Variants in OSBPL10 observed in about 807,000 individuals in gnomAD.
OSBPL10 encodes the protein oxysterol-binding protein-related protein 10.
In OSBPL10, 49 loss-of-function variants were observed where a neutral mutation model predicts 81.7. That is an observed-to-expected ratio of 0.60 (90% confidence interval 0.48 to 0.76). OSBPL10 has a LOEUF of 0.76. Ranked by LOEUF, OSBPL10 falls within the 30% of genes least tolerant of loss-of-function variation. OSBPL10 has a pLI of 0.00. For synonymous variants in OSBPL10, 419 were observed against 383.6 expected, an observed-to-expected ratio of 1.09 and a Z score of -1.08; for missense variants, 923 against 987.8, an observed-to-expected ratio of 0.93 and a Z score of 0.88.
intron 1 of OSBPL10, among the ~76,000 whole-genome samples, chr3:31,927,556 A>C (rs1697110463): frequency 6.6e-6 from 1 of 152,026 alleles, no homozygotes; most frequent in African/African-American, 2.4e-5. Flanking sequence ...AGTCATCTTA[A>C]CTATTTTTTA....
At chr3:31,695,992 T>C (rs1009873949) in intron 7 of OSBPL10, among the ~76,000 whole-genome samples, 13 of 152,126 alleles carry the variant, frequency 8.5e-5, no homozygotes, top group African/African-American at 2.9e-4. Context: ...AAGGTACAAT[T>C]ATCAACCTCC....
At chr3:31,770,568 T>C (rs1432956561) in intron 4 of OSBPL10, among the ~76,000 whole-genome samples, 1 of 152,008 alleles carries the variant, frequency 6.6e-6, no homozygotes, top group East Asian at 1.9e-4. Context: ...GGGTGGATCA[T>C]CTGAGCTCAG....
rs59233088 is a variant in OSBPL10 at position 31,878,815 on chromosome 3, A to ATGTGTGTGTG, written c.457+830_457+839dup. Among the ~76,000 whole-genome samples the ATGTGTGTGTG allele has an allele frequency of 2.2e-3, 296 of 136,438 alleles. 1 individual carries two copies. The highest frequency in any genetic ancestry group is 9.1e-3 in the South Asian group (39 of 4,282). 89.5% of individuals were successfully genotyped at this position (136,438 alleles called of 152,430 possible). A position where few individuals can be genotyped will look rare whatever the true frequency, so the allele number is the denominator to read the frequency against. On this transcript the variant is annotated intron_variant, in intron 2 of 11. Coordinates refer to ENST00000396556, the MANE Select transcript of OSBPL10 (RefSeq NM_017784.5). ...TAAATAATATAGACTCTGCGTGTCC[A>ATGTGTGTGTG]TGTGTGTGTGTGTGTGTGTGTGTGT...
At position 31,887,633 on chromosome 3, in the gene OSBPL10, G is replaced by C. The variant is rs141506767; in HGVS notation, c.282-7803C>G. Among the ~76,000 whole-genome samples, 55 of 152,266 alleles carry C rather than the reference G, an allele frequency of 3.6e-4. 1 individual carries two copies. Among genetic ancestry groups the C allele is most frequent in the African/African-American group, 1.2e-3 (51 of 41,548 alleles). On this transcript the variant is annotated intron_variant, in intron 1 of 11. Transcript: ENST00000396556. ...CTATAGTAGTCTTGTCATCTTAGAA[G>C]AGTTTATACTCAAAAACCTTAAGAG...
chr3:31,705,777 C>G (rs1696045012), intron 6 of OSBPL10, among the ~76,000 whole-genome samples: 1 of 152,202 alleles, frequency 6.6e-6, no homozygotes, highest in African/African-American at 2.4e-5. Flanking sequence ...CTCTCTGAAT[C>G]TCTGCGAATT....
intron 1 of OSBPL10, among the ~76,000 whole-genome samples, chr3:31,954,110 C>T (rs1011929158): frequency 3.3e-5 from 5 of 152,158 alleles, no homozygotes; most frequent in African/African-American, 1.2e-4. Context: ...ATCCTTTAAC[C>T]CTAGAACAAT....
chr3:32,000,088 G>C (rs17028716), intron 2 of OSBPL10, among the ~76,000 whole-genome samples: 9,633 of 152,136 alleles, frequency 0.063, 597 homozygotes, highest in East Asian at 0.32. Flanking sequence ...TTCTAAGTCA[G>C]CCTTCATTTC....
chr3:31,735,622 G>C (rs1372799769), intron 5 of OSBPL10, among the ~76,000 whole-genome samples: 1 of 152,166 alleles, frequency 6.6e-6, no homozygotes, highest in Admixed American at 6.5e-5. Flanking sequence ...GTTCATGACA[G>C]TCTTAGAGTG....
intron 2 of OSBPL10, among the ~76,000 whole-genome samples, chr3:31,878,154 A>G (rs995091641): frequency 2.6e-5 from 4 of 152,200 alleles, no homozygotes; most frequent in African/African-American, 9.7e-5. Flanking sequence ...TGCTATTAAA[A>G]TTGCCCTCTA....
intron 5 of OSBPL10, 29 bp from the exon 6 acceptor site, chr3:31,733,440 G>A: frequency 6.2e-7 from 1 of 1,613,832 alleles, no homozygotes; most frequent in Non-Finnish European, 8.5e-7. Flanking sequence ...ATGATGCCAA[G>A]TATTTTCCAA....
At chr3:31,823,532 T>C (rs1428207548) in intron 4 of OSBPL10, among the ~76,000 whole-genome samples, 1 of 152,126 alleles carries the variant, frequency 6.6e-6, no homozygotes, top group African/African-American at 2.4e-5. Context: ...CGTTTTCTAG[T>C]AGGCGAATTT....
chr3:31,853,470 G>A (rs76908007), intron 3 of OSBPL10, among the ~76,000 whole-genome samples: 1,818 of 152,262 alleles, frequency 0.012, 33 homozygotes, highest in African/African-American at 0.04. Context: ...ACAGGCAAGA[G>A]TGGTAGGGAA....
chr3:31,683,862 G>C lies in OSBPL10; in HGVS notation c.1498C>G (p.Pro500Ala). 1 of 1,614,222 alleles carries C rather than the reference G, an allele frequency of 6.2e-7. No homozygotes were observed. Among genetic ancestry groups the C allele is most frequent in the Non-Finnish European group, 8.5e-7 (1 of 1,180,050 alleles). ...SWEVPKDRVKPKRTASRSPAS... is the reference protein window; with the variant it reads ...SWEVPKDRVKAKRTASRSPAS... ...GGAGAGCGGGAAGCAGTCCTCTTAG[G>C]CTTGACCCTGTCCTTGGGAACTTCC... Residue 500 changes from proline (P) to alanine (A), a missense_variant, in exon 8 of 12, where the codon CCT becomes GCT. By Grantham distance (27) the Pro-to-Ala change is conservative. Coordinates refer to ENST00000396556, the MANE Select transcript of OSBPL10 (RefSeq NM_017784.5).
At chr3:31,916,352 T>G (rs1166429992) in intron 1 of OSBPL10, among the ~76,000 whole-genome samples, 1 of 152,210 alleles carries the variant, frequency 6.6e-6, no homozygotes, top group East Asian at 1.9e-4. Context: ...AAAATGTTCC[T>G]TCTTGGTTTG....
intron 4 of OSBPL10, among the ~76,000 whole-genome samples, chr3:31,769,926 C>T (rs1698326017): frequency 6.6e-6 from 1 of 152,028 alleles, no homozygotes; most frequent in Non-Finnish European, 1.5e-5. Context: ...TCTATGGACC[C>T]TGCAATGCCA....
intron 10 of OSBPL10, chr3:31,664,701 C>A: frequency 5.3e-6 from 1 of 188,428 alleles, no homozygotes; most frequent in Non-Finnish European, 1.1e-5. Context: ...TGCCCAAGGA[C>A]ACCACACTGG....
chr3:31,829,660 G>A lies in OSBPL10; in HGVS notation c.729+380C>T, dbSNP rs527253272. Among the ~76,000 whole-genome samples the A allele has an allele frequency of 4.6e-4, 70 of 152,232 alleles. 1 individual carries two copies. The South Asian group carries it at 0.014, about 30-fold the overall frequency. On this transcript the variant is annotated intron_variant, in intron 4 of 11. Coordinates refer to ENST00000396556, the MANE Select transcript of OSBPL10 (RefSeq NM_017784.5). ...AAAGTGAAGCAGGGCAGAAAACAGG[G>A]GGTATCTGCGTTATGTCTAGCACTT... is the stretch of plus-strand genomic sequence containing the variant.
chr3:31,877,789 A>C (rs1356836739), intron 2 of OSBPL10, among the ~76,000 whole-genome samples: 1 of 152,208 alleles, frequency 6.6e-6, no homozygotes, highest in Non-Finnish European at 1.5e-5. Flanking sequence ...CCTGTTACAC[A>C]AGTCTGATTT....
intron 2 of OSBPL10, among the ~76,000 whole-genome samples, chr3:32,000,637 C>T (rs1393493439): frequency 6.6e-6 from 1 of 152,222 alleles, no homozygotes; most frequent in Admixed American, 6.5e-5. Flanking sequence ...AGCCCTTCCT[C>T]GTGACGGTTG....
Sources: allele counts gnomAD v4.1 joint callset (sites outside exome capture counted in the v4.1 genomes callset), GRCh38; gene constraint gnomAD v4.1.1; transcripts MANE v1.5; gene names NCBI Gene and HGNC (gene_info 2026-07-23, HGNC 2026-07-21).